Variants in SPATA16 observed in about 807,000 individuals in gnomAD.
The protein encoded by SPATA16 is spermatogenesis-associated protein 16.
Under a neutral mutation model 63.3 loss-of-function variants are expected in SPATA16, and 36 were observed. The observed-to-expected ratio is 0.57, with a 90% CI of 0.44 to 0.75. SPATA16 has a LOEUF of 0.75. Ranked by LOEUF, SPATA16 falls within the 30% of genes least tolerant of loss-of-function variation. SPATA16 has a pLI of 0.00. For synonymous variants in SPATA16, 203 were observed against 216.7 expected, an observed-to-expected ratio of 0.94 and a Z score of 0.56; for missense variants, 646 against 679.3, an observed-to-expected ratio of 0.95 and a Z score of 0.54.
At chr3:172,932,259 A>G (rs576299018) in intron 6 of SPATA16, among the ~76,000 whole-genome samples, 5 of 152,230 alleles carry the variant, frequency 3.3e-5, no homozygotes, top group African/African-American at 9.6e-5. Flanking sequence ...ATAGAGATTT[A>G]AAAACTTTTT....
At chr3:172,998,245 G>A (rs1249781543) in intron 4 of SPATA16, among the ~76,000 whole-genome samples, 1 of 151,976 alleles carries the variant, frequency 6.6e-6, no homozygotes, top group Non-Finnish European at 1.5e-5. Flanking sequence ...TATAGATCTT[G>A]TACATAGTTT....
intron 2 of SPATA16, among the ~76,000 whole-genome samples, chr3:173,057,013 C>A (rs748160327): frequency 2.6e-5 from 4 of 151,854 alleles, no homozygotes; most frequent in Non-Finnish European, 4.4e-5. Flanking sequence ...TCTGTGTTTG[C>A]ATACTCACGT....
intron 4 of SPATA16, among the ~76,000 whole-genome samples, chr3:172,998,311 A>G (rs1009274279): frequency 1.3e-5 from 2 of 152,152 alleles, no homozygotes; most frequent in African/African-American, 4.8e-5. Flanking sequence ...ACATGATAAC[A>G]TTAATGTAAT....
At chr3:172,955,224 T>A (rs1301660733) in intron 6 of SPATA16, among the ~76,000 whole-genome samples, 1 of 152,162 alleles carries the variant, frequency 6.6e-6, no homozygotes, top group African/African-American at 2.4e-5. Flanking sequence ...ATAACTAAAC[T>A]TATTCTACCA....
At chr3:173,049,991 A>G (rs1001312904) in intron 2 of SPATA16, among the ~76,000 whole-genome samples, 6 of 152,042 alleles carry the variant, frequency 3.9e-5, no homozygotes, top group African/African-American at 1.4e-4. Flanking sequence ...CTATGCATAT[A>G]CTGGGGGAAA....
chr3:172,904,453 C>T (rs1732192830), intron 10 of SPATA16, among the ~76,000 whole-genome samples: 1 of 152,122 alleles, frequency 6.6e-6, no homozygotes, highest in Non-Finnish European at 1.5e-5. Context: ...ATACATGCTC[C>T]CTAGATGAGG....
At chr3:172,961,024 C>T (rs1357456021) in intron 5 of SPATA16, among the ~76,000 whole-genome samples, 48 of 46,744 alleles carry the variant, frequency 1.0e-3, no homozygotes, top group Non-Finnish European at 2.3e-3. Context: ...CTTTTTCTCT[C>T]TTTCTCTCTT....
intron 8 of SPATA16, among the ~76,000 whole-genome samples, chr3:172,919,106 GGTTA>G (rs1031480497): frequency 1.3e-5 from 2 of 152,192 alleles, no homozygotes; most frequent in African/African-American, 4.8e-5. Context: ...TTAAAAACAT[GGTTA>G]GTTAGGTCAT....
chr3:173,045,244 G>A (rs1329809693), intron 3 of SPATA16, among the ~76,000 whole-genome samples: 1 of 152,044 alleles, frequency 6.6e-6, no homozygotes, highest in Admixed American at 6.6e-5. Context: ...GGCCTCTTCA[G>A]TTTGGTGAGA....
At chr3:172,892,971 T>A (rs1247281350) in intron 10 of SPATA16, among the ~76,000 whole-genome samples, 1 of 152,158 alleles carries the variant, frequency 6.6e-6, no homozygotes, top group Non-Finnish European at 1.5e-5. Flanking sequence ...GTAGAGAATT[T>A]TAGGATGTCT....
At chr3:173,098,113 T>A (rs1388543387) in intron 2 of SPATA16, among the ~76,000 whole-genome samples, 1 of 151,056 alleles carries the variant, frequency 6.6e-6, no homozygotes, top group Non-Finnish European at 1.5e-5. Flanking sequence ...GTTTATGGAA[T>A]AATTCCACCA....
intron 6 of SPATA16, among the ~76,000 whole-genome samples, chr3:172,954,507 C>T (rs1490577923): frequency 6.6e-6 from 1 of 152,176 alleles, no homozygotes; most frequent in Non-Finnish European, 1.5e-5. Context: ...AGTGTTTACT[C>T]TTCTAGGCCC....
intron 4 of SPATA16, among the ~76,000 whole-genome samples, chr3:173,001,917 C>T (rs1441045966): frequency 6.6e-6 from 1 of 152,126 alleles, no homozygotes; most frequent in Non-Finnish European, 1.5e-5. Context: ...TAAATTTTGC[C>T]TGCAATAATT....
At chr3:173,138,974 T>A (rs1268946035) in intron 1 of SPATA16, among the ~76,000 whole-genome samples, 2 of 152,222 alleles carry the variant, frequency 1.3e-5, no homozygotes, top group Middle Eastern at 3.2e-3. Flanking sequence ...TAAAGCTGAA[T>A]CTTCACCTTC....
intron 10 of SPATA16, among the ~76,000 whole-genome samples, chr3:172,895,123 A>G (rs1176348970): frequency 1.3e-5 from 2 of 152,202 alleles, no homozygotes; most frequent in African/African-American, 2.4e-5. Context: ...AAGACTCAGC[A>G]TATTTTTTAC....
At chr3:172,930,829 G>A (rs1255022870) in intron 6 of SPATA16, among the ~76,000 whole-genome samples, 2 of 151,340 alleles carry the variant, frequency 1.3e-5, no homozygotes, top group East Asian at 4.0e-4. Context: ...TGAGATTACA[G>A]GCGTGAGCCA....
intron 6 of SPATA16, among the ~76,000 whole-genome samples, chr3:172,946,927 G>A (rs1263818074): frequency 6.6e-6 from 1 of 152,174 alleles, no homozygotes; most frequent in Non-Finnish European, 1.5e-5. Context: ...ATCCAGCATA[G>A]TCCCAGTTGT....
chr3:173,131,821 G>C (rs1738394641), intron 1 of SPATA16, among the ~76,000 whole-genome samples: 1 of 152,046 alleles, frequency 6.6e-6, no homozygotes, highest in South Asian at 2.1e-4. Context: ...GAAGTGCCAT[G>C]TTATCTGCCT....
At chr3:173,139,577 G>A (rs954397612) in intron 1 of SPATA16, among the ~76,000 whole-genome samples, 1 of 152,040 alleles carries the variant, frequency 6.6e-6, no homozygotes, top group African/African-American at 2.4e-5. Context: ...CAATTGTTGG[G>A]GTACCTATTC....
Sources: gnomAD v4.1 joint callset for allele counts (sites outside exome capture counted in the v4.1 genomes callset) on GRCh38, gnomAD v4.1.1 for gene constraint, MANE v1.5 for transcripts, NCBI Gene and HGNC (gene_info 2026-07-23, HGNC 2026-07-21) for gene names.